CRIM1: variants seen among roughly 807,000 people sequenced by gnomAD.
CRIM1 encodes the protein cysteine rich transmembrane BMP regulator 1.
A neutral mutation model predicts 116.4 loss-of-function variants in CRIM1; 32 were observed. The ratio of observed to expected loss-of-function variants is 0.27; its 90% CI spans 0.21 to 0.37. The LOEUF (loss-of-function observed/expected upper bound fraction) is 0.37, where lower values mean the gene tolerates loss of function less well. CRIM1 is among the 10% of genes least tolerant of loss of function. The probability of loss-of-function intolerance (pLI) is 1.00; values close to 1 mark genes in which losing one functional copy is unlikely to be tolerated. For synonymous variants in CRIM1, 590 were observed against 509.2 expected, an observed-to-expected ratio of 1.16 and a Z score of -2.13; for missense variants, 1,331 against 1,354.8, an observed-to-expected ratio of 0.98 and a Z score of 0.28.
chr2:36,443,423 TG>T (rs1204472927), intron 4 of CRIM1, among the ~76,000 whole-genome samples: 1 of 152,192 alleles, frequency 6.6e-6, no homozygotes, highest in African/African-American at 2.4e-5. Flanking sequence ...AGACTGTTCT[TG>T]GAAATGTAGG....
rs200695417 is a variant in CRIM1 at position 36,439,628 on chromosome 2, C to G, written c.506-1630C>G. Among the ~76,000 whole-genome samples, 26 of 152,260 alleles carry G rather than the reference C, an allele frequency of 1.7e-4. No individual in the cohort carries two copies. The East Asian group carries it at 2.7e-3, about 16-fold the overall frequency. On this transcript the variant is annotated intron_variant, in intron 2 of 16. Transcript: ENST00000280527. ...CAGCAGTTCCTTCTGCTGGGATGCT[C>G]TTCTCCAAAGTATCTCCGTGGCTCG...
chr2:36,458,490 A>C (rs1037652941), intron 4 of CRIM1, among the ~76,000 whole-genome samples: 4 of 152,104 alleles, frequency 2.6e-5, no homozygotes, highest in Non-Finnish European at 2.9e-5. Context: ...AAACATGCCT[A>C]GTGGTAGGGA....
At chr2:36,519,357 G>T (rs534002648) in intron 12 of CRIM1, among the ~76,000 whole-genome samples, 12 of 152,278 alleles carry the variant, frequency 7.9e-5, no homozygotes, top group African/African-American at 2.6e-4. Context: ...CCAAAGAACA[G>T]GCAACCCCTC....
chr2:36,433,271 C>T (rs1210041439), intron 2 of CRIM1, among the ~76,000 whole-genome samples: 1 of 152,168 alleles, frequency 6.6e-6, no homozygotes, highest in African/African-American at 2.4e-5. Flanking sequence ...GGTCTAGGGG[C>T]CACACTTTAA....
Position 36,546,964 on chromosome 2 carries a change from T to C in CRIM1, c.2747-20T>C. The C allele has an allele frequency of 6.9e-7, 1 of 1,445,584 alleles. No individual in the cohort carries two copies. The highest frequency in any genetic ancestry group is 9.5e-7 in the Non-Finnish European group (1 of 1,048,870). The allele number at this position is 1,445,584 out of a possible 1,614,324, so 89.5% of individuals were successfully genotyped here. A position where few individuals can be genotyped will look rare whatever the true frequency, so the allele number is the denominator to read the frequency against. ...AATTCTGGTTTAGGTAATAAATGCT[T>C]ATAATTTTTTTTCTCCTAGATATGG... is the stretch of plus-strand genomic sequence containing the variant. On this transcript the variant is annotated intron_variant, in intron 15 of 16. Transcript: ENST00000280527.
At chr2:36,499,390 T>C in intron 8 of CRIM1, 43 bp downstream of exon 8, 1 of 1,588,972 alleles carries the variant, frequency 6.3e-7, no homozygotes, top group Non-Finnish European at 8.6e-7. Flanking sequence ...AGGCCTAATA[T>C]GATATTGTCA....
At chr2:36,476,465 C>A (rs1678983905) in intron 5 of CRIM1, among the ~76,000 whole-genome samples, 1 of 152,098 alleles carries the variant, frequency 6.6e-6, no homozygotes, top group Non-Finnish European at 1.5e-5. Context: ...CAGAACATCA[C>A]CACTTCAAAA....
intron 2 of CRIM1, among the ~76,000 whole-genome samples, chr2:36,419,267 A>G (rs774445120): frequency 3.9e-5 from 6 of 152,186 alleles, no homozygotes; most frequent in Non-Finnish European, 7.3e-5. Flanking sequence ...CAACATTAAA[A>G]CATACATATA....
At chr2:36,423,399 G>C (rs1270950385) in intron 2 of CRIM1, among the ~76,000 whole-genome samples, 1 of 152,182 alleles carries the variant, frequency 6.6e-6, no homozygotes, top group Non-Finnish European at 1.5e-5. Context: ...CACACCCTCT[G>C]CTCAGCTACT....
At chr2:36,531,949 G>A in intron 13 of CRIM1, 1 of 470,988 alleles carries the variant, frequency 2.1e-6, no homozygotes, top group Non-Finnish European at 4.4e-6. Flanking sequence ...ATCCAGCAAA[G>A]GGCTCCAGGT....
At chr2:36,547,207 A>G in intron 16 of CRIM1, 36 bp downstream of exon 16, 1 of 1,538,012 alleles carries the variant, frequency 6.5e-7, no homozygotes, top group Non-Finnish European at 8.9e-7. Context: ...TTGAATGATG[A>G]ATCTAGGAAA....
intron 2 of CRIM1, among the ~76,000 whole-genome samples, chr2:36,401,404 A>G (rs1368566909): frequency 6.6e-6 from 1 of 152,238 alleles, no homozygotes; most frequent in East Asian, 1.9e-4. Context: ...CCTGCAAGTT[A>G]TCCCACCTTG....
intron 2 of CRIM1, among the ~76,000 whole-genome samples, chr2:36,431,815 A>T (rs190060689): frequency 6.6e-6 from 1 of 152,202 alleles, no homozygotes; most frequent in African/African-American, 2.4e-5. Flanking sequence ...CCCTCATTTT[A>T]CAGATGAACA....
At chr2:36,418,250 A>G (rs1426256425) in intron 2 of CRIM1, among the ~76,000 whole-genome samples, 2 of 152,188 alleles carry the variant, frequency 1.3e-5, no homozygotes, top group Non-Finnish European at 2.9e-5. Context: ...GGCCCCAGGT[A>G]ACACGACAGA....
intron 2 of CRIM1, among the ~76,000 whole-genome samples, chr2:36,418,230 A>AGG (rs1673770261): frequency 6.6e-6 from 1 of 152,236 alleles, no homozygotes; most frequent in Admixed American, 6.5e-5. Flanking sequence ...GGCACAGTGC[A>AGG]GGAGTGCAAG....
Position 36,513,752 on chromosome 2 carries a change from C to T in CRIM1, c.1977C>T (p.Cys659=). 1 of 1,614,012 alleles carries T rather than the reference C, an allele frequency of 6.2e-7. No homozygotes were observed. The highest frequency in any genetic ancestry group is 1.1e-5 in the South Asian group (1 of 91,060). The change falls in exon 11 of 17, where the codon TGC becomes TGT. Residue 659 remains cysteine, a synonymous_variant. Coordinates refer to ENST00000280527, the MANE Select transcript of CRIM1 (RefSeq NM_016441.3). ...CCACCATTCACCCTGGACAGTGCTG[C>T]CCATCATGTGCAGGTAAAAGCTGGC... is the stretch of plus-strand genomic sequence containing the variant. The part of the protein sequence containing the change: ...GNPTIHPGQC[C]PSCADDFVVQ...
chr2:36,381,139 GC>G (rs1389422433), intron 1 of CRIM1, among the ~76,000 whole-genome samples: 3 of 152,212 alleles, frequency 2.0e-5, no homozygotes, highest in Non-Finnish European at 4.4e-5. Context: ...GGAATCTAGA[GC>G]CCTCCCAGTG....
In CRIM1 at chr2:36,478,574, C is replaced by T. The variant is rs1679165742; in HGVS notation, c.1175-923C>T. Reference sequence around the variant, plus strand: ...GCCTCCCTCTCTGGCAGACTGCCTTCCTAACGCTGTGATGGCATTATTTTA... The same window carrying T: ...GCCTCCCTCTCTGGCAGACTGCCTTTCTAACGCTGTGATGGCATTATTTTA... On this transcript the variant is annotated intron_variant, in intron 6 of 16. Transcript: ENST00000280527. Among the ~76,000 whole-genome samples, 4 of 152,342 alleles carry T rather than the reference C, an allele frequency of 2.6e-5. No individual in the cohort carries two copies. In the South Asian group the frequency reaches 8.3e-4, roughly 32 times the overall value.
intron 1 of CRIM1, among the ~76,000 whole-genome samples, chr2:36,362,645 A>G (rs1214327547): frequency 6.6e-6 from 1 of 151,448 alleles, no homozygotes; most frequent in African/African-American, 2.4e-5. Flanking sequence ...ATCTTTGAAA[A>G]CCTCTGTTTA....
Sources: allele counts gnomAD v4.1 joint callset (sites outside exome capture counted in the v4.1 genomes callset), GRCh38; gene constraint gnomAD v4.1.1; transcripts MANE v1.5; gene names NCBI Gene and HGNC (gene_info 2026-07-23, HGNC 2026-07-21).